ESAM: variants seen among roughly 807,000 people sequenced by gnomAD.
ESAM encodes the protein endothelial cell-selective adhesion molecule.
ESAM carries 23 observed loss-of-function variants against 31.8 expected under a neutral mutation model. The ratio of observed to expected loss-of-function variants is 0.72; its 90% CI spans 0.52 to 1.03. The LOEUF (loss-of-function observed/expected upper bound fraction) is 1.03. Ranked by LOEUF, ESAM falls within the 50% of genes least tolerant of loss-of-function variation. The pLI, the probability that ESAM is intolerant of heterozygous loss-of-function variation, is 0.00. For missense variants in ESAM, 478 were observed against 488.9 expected, an observed-to-expected ratio of 0.98 and a Z score of 0.21; for synonymous variants, 216 against 207.2, an observed-to-expected ratio of 1.04 and a Z score of -0.37.
In ESAM at chr11:124,762,129, A is replaced by G; in HGVS notation, c.26T>C (p.Val9Ala). Residue 9 changes from valine (V) to alanine (A), a missense_variant, in exon 1 of 7, where the codon GTG (valine) becomes GCG (alanine). By Grantham distance (64) the Val-to-Ala change is moderately conservative. Coordinates refer to ENST00000278927, the MANE Select transcript of ESAM (RefSeq NM_138961.3). This position sits in a 1 kb window ranked among gnomAD's most constrained non-coding sequence, Gnocchi z 6.4. ...GAACAAAAACCGCAGCAAGTTGGTC[A>G]CCAGGGGCCCCGGGAGGGAAATCAT... The part of the protein sequence containing the change: MISLPGPL[V>A]TNLLRFLFLG... The G allele has an allele frequency of 6.2e-7, 1 of 1,609,710 alleles. No homozygotes were observed. The highest frequency in any genetic ancestry group is 8.5e-7 in the Non-Finnish European group (1 of 1,177,914).
chr11:124,758,500 A>C lies in ESAM; in HGVS notation c.98T>G (p.Leu33Arg). The change falls in exon 2 of 7, where the codon CTG (leucine) becomes CGG (arginine). Residue 33 changes from leucine (L) to arginine (R), a missense_variant. Leu to Arg is a moderately radical substitution (Grantham distance 102). Coordinates refer to ENST00000278927, the MANE Select transcript of ESAM (RefSeq NM_138961.3). Reference sequence around the variant, plus strand: ...CTGCAACCGGTTGGCGGGCAAGTGCAGTTGCAGCTGGGCCCGCGAGGGGGG... The same window carrying C: ...CTGCAACCGGTTGGCGGGCAAGTGCCGTTGCAGCTGGGCCCGCGAGGGGGG... ...LAPPSRAQLQ[L>R]HLPANRLQAV... is the part of the protein sequence containing the mutation. 1.3e-6 allele frequency: 2 copies of C among 1,596,880 alleles called. No individual in the cohort carries two copies. Among genetic ancestry groups the C allele is most frequent in the South Asian group, 2.2e-5 (2 of 89,410 alleles).
intron 2 of ESAM, 69 bp downstream of exon 2, chr11:124,758,280 T>A: frequency 6.4e-7 from 1 of 1,567,234 alleles, no homozygotes; most frequent in Non-Finnish European, 8.8e-7. Context: ...CTCCCACCGC[T>A]ACCAGCTCTT....
chr11:124,756,244 C>G lies in ESAM; in HGVS notation c.570G>C (p.Gln190His). ...CAAAGAAAGTCTGGAAGGATGGAAG[C>G]TGCCGATCCCACTGGTATTGGACAG... ...KPAVQYQWDR[Q>H]LPSFQTFFAP... The change falls in exon 4 of 7, where the codon CAG becomes CAC. Residue 190 changes from glutamine (Q) to histidine (H), a missense_variant. Gln to His is a conservative substitution (Grantham distance 24, BLOSUM62 0). Coordinates refer to ENST00000278927, the MANE Select transcript of ESAM (RefSeq NM_138961.3). The G allele has an allele frequency of 6.2e-7, 1 of 1,614,160 alleles. No homozygotes were observed. Among genetic ancestry groups the G allele is most frequent in the South Asian group, 1.1e-5 (1 of 91,072 alleles).
Position 124,759,305 on chromosome 11 carries a change from C to G in ESAM, c.71-778G>C, listed in dbSNP as rs1217514277. 1 of 152,316 alleles carries G rather than the reference C, an allele frequency of 6.6e-6. No homozygotes were observed. The highest frequency in any genetic ancestry group is 1.5e-5 in the Non-Finnish European group (1 of 68,126). The allele number at this position is 152,316 out of a possible 1,614,324, so 9.4% of individuals were successfully genotyped here. Reference sequence around the variant, plus strand: ...GCCTCCCCTGAGTGTGTCCGGCGCTCAGGGGGTGGACCGGGGTGTTGGTTT... The same window carrying G: ...GCCTCCCCTGAGTGTGTCCGGCGCTGAGGGGGTGGACCGGGGTGTTGGTTT... On this transcript the variant is annotated intron_variant, in intron 1 of 6. Coordinates refer to ENST00000278927, the MANE Select transcript of ESAM (RefSeq NM_138961.3). This position sits in a 1 kb window ranked among gnomAD's most constrained non-coding sequence, Gnocchi z 6.8.
intron 2 of ESAM, 126 bp downstream of exon 2, chr11:124,758,223 T>C: frequency 9.1e-7 from 1 of 1,101,158 alleles, no homozygotes; most frequent in Non-Finnish European, 1.3e-6. Flanking sequence ...TGAAGACTTC[T>C]GCTTTTCCCT....
Position 124,762,158 on chromosome 11 carries a change from C to CGGGA in ESAM, c.-5_-4insTCCC. Reference sequence around the variant, plus strand: ...GGGGCCCCGGGAGGGAAATCATGGCCCTCCCTGGCCGGGACGGAGTCAGGG... The same window carrying CGGGA: ...GGGGCCCCGGGAGGGAAATCATGGCCGGGACTCCCTGGCCGGGACGGAGTCAGGG... On this transcript the variant is annotated 5_prime_UTR_variant, in exon 1 of 7. Transcript: ENST00000278927. This position sits in a 1 kb window ranked among gnomAD's most constrained non-coding sequence, Gnocchi z 6.4. 1 of 1,606,884 alleles carries CGGGA rather than the reference C, an allele frequency of 6.2e-7. No homozygotes were observed.
At position 124,753,897 on chromosome 11, in the gene ESAM, C is replaced by T. The variant is rs140234167; in HGVS notation, c.922G>A (p.Gly308Arg). Residue 308 changes from glycine to arginine, a missense_variant, in exon 7 of 7, where the codon GGG becomes AGG. Gly to Arg is a moderately radical substitution (Grantham distance 125, BLOSUM62 -2). Coordinates refer to ENST00000278927, the MANE Select transcript of ESAM (RefSeq NM_138961.3). ...GCGGAGGTGACAGAGGAAAGGGTCCCATTCTTGGAGATTGTGTCTGAGCTC... is the reference window on the plus strand; with the variant it reads ...GCGGAGGTGACAGAGGAAAGGGTCCTATTCTTGGAGATTGTGTCTGAGCTC... Reference protein sequence around the residue: ...PKSSDTISKNGTLSSVTSARA... With the variant: ...PKSSDTISKNRTLSSVTSARA... The T allele has an allele frequency of 6.2e-7, 1 of 1,614,080 alleles. No homozygotes were observed. The highest frequency in any genetic ancestry group is 1.7e-4 in the Middle Eastern group (1 of 6,060).
chr11:124,758,742 G>A (rs1263155114), intron 1 of ESAM, among the ~76,000 whole-genome samples: 1 of 152,242 alleles, frequency 6.6e-6, no homozygotes, highest in Admixed American at 6.5e-5. Flanking sequence ...TCCACCGCCA[G>A]CCTCTGCAGT....
At chr11:124,760,322 C>T (rs553520210) in intron 1 of ESAM, among the ~76,000 whole-genome samples, 1 of 152,324 alleles carries the variant, frequency 6.6e-6, no homozygotes, top group East Asian at 1.9e-4. Context: ...TGGGTCTGAT[C>T]GAAGGACACT....
chr11:124,753,423 T>C lies in ESAM; in HGVS notation c.*223A>G. On this transcript the variant is annotated 3_prime_UTR_variant, in exon 7 of 7. Coordinates refer to ENST00000278927, the MANE Select transcript of ESAM (RefSeq NM_138961.3). ...TGGCTTCATAAGGAGGAGTCAGGGGTGGGTGGAGGCTCCTCCCAATTCCAG... is the reference window on the plus strand; with the variant it reads ...TGGCTTCATAAGGAGGAGTCAGGGGCGGGTGGAGGCTCCTCCCAATTCCAG... 1.8e-6 allele frequency: 1 copy of C among 557,480 alleles called. No individual in the cohort carries two copies. The highest frequency in any genetic ancestry group is 3.1e-6 in the Non-Finnish European group (1 of 317,672). 34.5% of individuals were successfully genotyped at this position (557,480 alleles called of 1,614,324 possible).
intron 1 of ESAM, among the ~76,000 whole-genome samples, chr11:124,761,229 G>A (rs1944225082): frequency 6.6e-6 from 1 of 152,164 alleles, no homozygotes; most frequent in Admixed American, 6.5e-5. Flanking sequence ...AGAAAGCTGA[G>A]GGACAGCAAG....
intron 2 of ESAM, among the ~76,000 whole-genome samples, chr11:124,757,858 C>T (rs1167455863): frequency 6.6e-6 from 1 of 151,896 alleles, no homozygotes; most frequent in Admixed American, 6.6e-5. Context: ...CCACCATGTC[C>T]GACTAATTTT....
At chr11:124,760,183 G>C (rs1944210918) in intron 1 of ESAM, among the ~76,000 whole-genome samples, 1 of 152,250 alleles carries the variant, frequency 6.6e-6, no homozygotes, top group East Asian at 1.9e-4. Context: ...TCAGAAACTA[G>C]GAACAGAAGA....
At chr11:124,755,416 TAAA>T (rs1944141646) in intron 4 of ESAM, among the ~76,000 whole-genome samples, 1 of 151,802 alleles carries the variant, frequency 6.6e-6, no homozygotes, top group Admixed American at 6.6e-5. Context: ...TAAAAATAAA[TAAA>T]TAAATAAATA....
chr11:124,757,554 T>A (rs1016181304), intron 2 of ESAM: 4 of 152,106 alleles, frequency 2.6e-5, no homozygotes, highest in Non-Finnish European at 5.9e-5. Context: ...GGGTGGGAGA[T>A]TGTGGGAGGA....
At position 124,758,353 on chromosome 11, in the gene ESAM, T is replaced by C. The variant is rs1214097532; in HGVS notation, c.245A>G (p.Asp82Gly). The change falls in exon 2 of 7, where the codon GAT (aspartate) becomes GGT (glycine). Residue 82 changes from aspartate (D) to glycine (G), a missense_variant. By Grantham distance (94) the Asp-to-Gly change is moderately conservative. Coordinates refer to ENST00000278927, the MANE Select transcript of ESAM (RefSeq NM_138961.3). ...MWFFKQKEKE[D>G]QVLSYINGVT... ...TGACAGGCGTTCTTCCCTCACCTGATCCTCCTTTTCTTTCTGTTTGAAGAA... is the reference window on the plus strand; with the variant it reads ...TGACAGGCGTTCTTCCCTCACCTGACCCTCCTTTTCTTTCTGTTTGAAGAA... 6.2e-7 allele frequency: 1 copy of C among 1,614,080 alleles called. No individual in the cohort carries two copies. Among genetic ancestry groups the C allele is most frequent in the South Asian group, 1.1e-5 (1 of 91,084 alleles).
chr11:124,754,559 T>A lies in ESAM; in HGVS notation c.730+82A>T, dbSNP rs1944132450. 6.4e-7 allele frequency: 1 copy of A among 1,552,936 alleles called. No homozygotes were observed. Among genetic ancestry groups the A allele is most frequent in the South Asian group, 1.2e-5 (1 of 80,466 alleles). ...CCGTGCCCTGCTACAGAGACAGGCC[T>A]CAGCAGACAGGCCTCCTCCCCACTT... On this transcript the variant is annotated intron_variant, in intron 5 of 6. Transcript: ENST00000278927. This position sits in a 1 kb window ranked among gnomAD's most constrained non-coding sequence, Gnocchi z 4.5.
rs139265422 is a variant in ESAM at position 124,756,271 on chromosome 11, G to A, written c.543C>T (p.Pro181=). 8,378 of 1,614,154 alleles carry A rather than the reference G, an allele frequency of 5.2e-3. 35 individuals are homozygous for A. Among genetic ancestry groups the A allele is most frequent in the Non-Finnish European group, 6.5e-3 (7,633 of 1,180,032 alleles). The change falls in exon 4 of 7, where the codon CCC becomes CCT. Residue 181 remains proline, a synonymous_variant. Coordinates refer to ENST00000278927, the MANE Select transcript of ESAM (RefSeq NM_138961.3). ...TLSCQSPRSK[P]AVQYQWDRQL... The stretch of plus-strand genomic sequence containing the variant: ...GCCGATCCCACTGGTATTGGACAGC[G>A]GGCTTACTCCTTGGAGACTGGCAGC...
intron 2 of ESAM, 63 bp downstream of exon 2, chr11:124,758,286 C>T (rs1944180384): frequency 1.2e-6 from 2 of 1,601,548 alleles, no homozygotes; most frequent in Admixed American, 1.7e-5. Context: ...CCGCTACCAG[C>T]TCTTTGCTTA....
Sources: allele counts gnomAD v4.1 joint callset (sites outside exome capture counted in the v4.1 genomes callset), GRCh38; gene constraint gnomAD v4.1.1; non-coding constraint Gnocchi (gnomAD v3.1); transcripts MANE v1.5; gene names NCBI Gene and HGNC (gene_info 2026-07-23, HGNC 2026-07-21).